The following FMN2 variants were observed in gnomAD, a reference collection of about 807,000 sequenced individuals.
FMN2 encodes formin-2.
FMN2 carries 51 observed loss-of-function variants against 142.3 expected under a neutral mutation model. The ratio of observed to expected loss-of-function variants is 0.36; its 90% CI spans 0.29 to 0.45. The LOEUF is 0.45. Among genes scored for constraint, FMN2 ranks in the 20% least tolerant of loss-of-function variants. The probability of loss-of-function intolerance (pLI) is 1.00; values close to 1 mark genes in which losing one functional copy is unlikely to be tolerated. For missense variants in FMN2, 1,936 were observed against 2,122.8 expected (o/e 0.91, Z 1.73); for synonymous variants, 882 against 869.8 (o/e 1.01, Z -0.25).
At chr1:240,335,256 T>TA in intron 13 of FMN2, among the ~76,000 whole-genome samples, 1 of 152,314 alleles carries the variant, frequency 6.6e-6, no homozygotes, top group African/African-American at 2.4e-5. Context: ...TGAAGAGGGC[T>TA]GAAATTCTGT....
At chr1:240,197,916 A>T (rs1263801598) in intron 4 of FMN2, among the ~76,000 whole-genome samples, 2 of 151,950 alleles carry the variant, frequency 1.3e-5, no homozygotes, top group Admixed American at 1.3e-4. Flanking sequence ...TGATCCACCC[A>T]CCTCAGCCTC....
intron 4 of FMN2, among the ~76,000 whole-genome samples, chr1:240,190,967 C>T (rs186790394): frequency 2.0e-5 from 3 of 152,236 alleles, no homozygotes; most frequent in African/African-American, 7.2e-5. Flanking sequence ...TTCTTAGTCA[C>T]TAGATGGCAG....
chr1:240,267,893 A>C (rs1363560618), intron 7 of FMN2, among the ~76,000 whole-genome samples: 1 of 152,182 alleles, frequency 6.6e-6, no homozygotes, highest in African/African-American at 2.4e-5. Flanking sequence ...ACAAGTGGCC[A>C]ACAAACATAC....
At chr1:240,431,111 T>C (rs12080764) in intron 15 of FMN2, among the ~76,000 whole-genome samples, 8,896 of 151,982 alleles carry the variant, frequency 0.059, 865 homozygotes, top group African/African-American at 0.2. Context: ...TTCAGCTTTC[T>C]TTAAATTCTC....
intron 3 of FMN2, among the ~76,000 whole-genome samples, chr1:240,178,964 T>C (rs1231632988): frequency 1.3e-5 from 2 of 152,188 alleles, no homozygotes; most frequent in Non-Finnish European, 2.9e-5. Flanking sequence ...TAGAAACTTA[T>C]TTTGGATGCA....
intron 16 of FMN2, among the ~76,000 whole-genome samples, chr1:240,444,438 G>A (rs1351231157): frequency 6.6e-6 from 1 of 152,192 alleles, no homozygotes; most frequent in African/African-American, 2.4e-5. Context: ...AGTGTGTATT[G>A]TGGCCTATCA....
intron 7 of FMN2, among the ~76,000 whole-genome samples, chr1:240,261,307 T>G (rs1427166061): frequency 6.6e-6 from 1 of 151,864 alleles, no homozygotes; most frequent in Non-Finnish European, 1.5e-5. Flanking sequence ...AGCTCATTAA[T>G]GAAATGGATT....
chr1:240,097,772 ACTT>A (rs1178163985), intron 1 of FMN2, among the ~76,000 whole-genome samples: 1 of 152,184 alleles, frequency 6.6e-6, no homozygotes, highest in Non-Finnish European at 1.5e-5. Context: ...CACTTATTGT[ACTT>A]CTAAGTGCCA....
At chr1:240,366,425 C>T (rs1318025949) in intron 14 of FMN2, among the ~76,000 whole-genome samples, 1 of 152,118 alleles carries the variant, frequency 6.6e-6, no homozygotes, top group Non-Finnish European at 1.5e-5. Context: ...GTTTTTTCTC[C>T]ACTGAACGTG....
chr1:240,133,301 G>A (rs1662812999), intron 2 of FMN2, among the ~76,000 whole-genome samples: 1 of 151,874 alleles, frequency 6.6e-6, no homozygotes, highest in Non-Finnish European at 1.5e-5. Context: ...CAAATAGCTG[G>A]GACTAAATGC....
At chr1:240,278,959 A>G (rs1669308222) in intron 7 of FMN2, among the ~76,000 whole-genome samples, 1 of 152,154 alleles carries the variant, frequency 6.6e-6, no homozygotes, top group South Asian at 2.1e-4. Flanking sequence ...ATTTTAGTCC[A>G]GTTATTTGAA....
chr1:240,134,876 G>A (rs1180979833), intron 2 of FMN2, among the ~76,000 whole-genome samples: 1 of 152,124 alleles, frequency 6.6e-6, no homozygotes, highest in Non-Finnish European at 1.5e-5. Flanking sequence ...CTTTCTGGAT[G>A]GAGTGGAAGG....
chr1:240,257,282 G>T (rs1054182007), intron 6 of FMN2, among the ~76,000 whole-genome samples: 3 of 152,102 alleles, frequency 2.0e-5, no homozygotes, highest in Non-Finnish European at 4.4e-5. Flanking sequence ...AAGACTTGCT[G>T]GAAATCCAGA....
At chr1:240,446,239 GT>G (rs1675808378) in intron 16 of FMN2, among the ~76,000 whole-genome samples, 4 of 152,196 alleles carry the variant, frequency 2.6e-5, no homozygotes, top group African/African-American at 9.6e-5. Context: ...TCCAAGAGGT[GT>G]TTTTAAAACT....
At chr1:240,317,985 G>A (rs1364854044) in intron 8 of FMN2, among the ~76,000 whole-genome samples, 1 of 152,118 alleles carries the variant, frequency 6.6e-6, no homozygotes, top group Non-Finnish European at 1.5e-5. Flanking sequence ...TTCCTTAATG[G>A]TCAATGAGGC....
intron 15 of FMN2, among the ~76,000 whole-genome samples, chr1:240,434,531 T>G (rs1675288268): frequency 6.6e-6 from 1 of 150,560 alleles, no homozygotes; most frequent in South Asian, 2.1e-4. Flanking sequence ...TGCTTGTTTT[T>G]TTTTGTTTTG....
intron 6 of FMN2, among the ~76,000 whole-genome samples, chr1:240,216,265 A>G (rs2103413164): frequency 6.6e-6 from 1 of 152,352 alleles, no homozygotes; most frequent in East Asian, 1.9e-4. Flanking sequence ...TCTTTGTAAA[A>G]TAAGCCATAG....
At chr1:240,399,987 C>A (rs147146557) in intron 15 of FMN2, among the ~76,000 whole-genome samples, 2 of 152,152 alleles carry the variant, frequency 1.3e-5, no homozygotes, top group African/African-American at 4.8e-5. Context: ...TTGTTTGGAA[C>A]AGAACATGAA....
chr1:240,222,099 C>T (rs6429191), intron 6 of FMN2, among the ~76,000 whole-genome samples: 100,444 of 149,896 alleles, frequency 0.67, 34,587 homozygotes, highest in African/African-American at 0.8. Flanking sequence ...CCTCAAGTCA[C>T]CCACCTGCCT....
Sources: allele counts gnomAD v4.1 joint callset (sites outside exome capture counted in the v4.1 genomes callset), GRCh38; gene constraint gnomAD v4.1.1; transcripts MANE v1.5; gene names NCBI Gene and HGNC (gene_info 2026-07-23, HGNC 2026-07-21).